The following EIF1AX variants were observed in gnomAD, a reference collection of about 807,000 sequenced individuals.
EIF1AX encodes the protein eukaryotic translation initiation factor 1A X-linked, also known as eukaryotic translation initiation factor 1A, X-chromosomal.
EIF1AX carries 1 observed loss-of-function variant against 16.1 expected under a neutral mutation model. The ratio of observed to expected loss-of-function variants is 0.06; its 90% CI spans 0.02 to 0.30. EIF1AX has a LOEUF of 0.30. Among genes scored for constraint, EIF1AX ranks in the 10% least tolerant of loss-of-function variants. The probability of loss-of-function intolerance (pLI) is 1.00; values close to 1 mark genes in which losing one functional copy is unlikely to be tolerated. For missense variants in EIF1AX, 11 were observed against 109.1 expected, an observed-to-expected ratio of 0.10 and a Z score of 4.00; for synonymous variants, 32 against 37.3, an observed-to-expected ratio of 0.86 and a Z score of 0.51.
At position 20,141,790 on chromosome X, in the gene EIF1AX, C is replaced by G; in HGVS notation, c.-150G>C. On this transcript the variant is annotated 5_prime_UTR_variant, in exon 1 of 7. Coordinates refer to ENST00000379607, the MANE Select transcript of EIF1AX (RefSeq NM_001412.4). The stretch of plus-strand genomic sequence containing the variant: ...ACGTGCGCGGGAGAGGCTGGCGACC[C>G]AGCTCTTCAGAGATCCGCCTGCGTC... 1.8e-6 allele frequency: 1 copy of G among 557,304 alleles called. No homozygotes were observed. Among genetic ancestry groups the G allele is most frequent in the African/African-American group, 2.4e-5 (1 of 41,275 alleles). 45.9% of individuals were successfully genotyped at this position (557,304 alleles called of 1,213,427 possible).
At chrX:20,135,102 T>G (rs1443309120) in intron 3 of EIF1AX, among the ~76,000 whole-genome samples, 1 of 60,470 alleles carries the variant, frequency 1.7e-5, no homozygotes, top group Non-Finnish European at 2.9e-5. Flanking sequence ...TACCCCAGCT[T>G]TTTTTTTTTT....
At chrX:20,133,055 C>T (rs1014242928) in intron 4 of EIF1AX, among the ~76,000 whole-genome samples, 8 of 111,339 alleles carry the variant, frequency 7.2e-5, no homozygotes, top group African/African-American at 2.6e-4. Context: ...AAGATGCTAT[C>T]GAGCCATTGA....
intron 2 of EIF1AX, chrX:20,136,168 G>T: frequency 3.5e-6 from 1 of 289,282 alleles, no homozygotes. Context: ...ACATACATAT[G>T]CACCCCCTCA....
intron 1 of EIF1AX, among the ~76,000 whole-genome samples, chrX:20,139,734 A>G (rs2067028254): frequency 9.0e-6 from 1 of 111,660 alleles, no homozygotes; most frequent in Non-Finnish European, 1.9e-5. Flanking sequence ...TCTAAGTAAG[A>G]TAACTAAGAA....
At chrX:20,134,894 C>G (rs1799445430) in intron 3 of EIF1AX, among the ~76,000 whole-genome samples, 1 of 112,014 alleles carries the variant, frequency 8.9e-6, no homozygotes, top group African/African-American at 3.2e-5. Context: ...GTGAATTAAT[C>G]ATTACTTTCC....
rs2067035476 is a variant in EIF1AX at position 20,141,795 on chromosome X, C to T, written c.-155G>A. On this transcript the variant is annotated 5_prime_UTR_variant, in exon 1 of 7. Transcript: ENST00000379607. Reference sequence around the variant, plus strand: ...CGCGGGAGAGGCTGGCGACCCAGCTCTTCAGAGATCCGCCTGCGTCCACGC... The same window carrying T: ...CGCGGGAGAGGCTGGCGACCCAGCTTTTCAGAGATCCGCCTGCGTCCACGC... The T allele has an allele frequency of 5.9e-6, 3 of 512,493 alleles. No individual in the cohort carries two copies. Among genetic ancestry groups the T allele is most frequent in the Non-Finnish European group, 9.0e-6 (3 of 334,490 alleles). 42.2% of individuals were successfully genotyped at this position (512,493 alleles called of 1,213,427 possible). A position where few individuals can be genotyped will look rare whatever the true frequency, so the allele number is the denominator to read the frequency against.
At chrX:20,138,400 T>C in intron 2 of EIF1AX, 139 bp downstream of exon 2, 1 of 508,998 alleles carries the variant, frequency 2.0e-6, no homozygotes, top group Non-Finnish European at 3.5e-6. Flanking sequence ...GCCCAGGAGG[T>C]CATGGCTGCA....
intron 5 of EIF1AX, 70 bp downstream of exon 5, chrX:20,132,112 T>A (rs2067003093): frequency 1.6e-5 from 14 of 859,101 alleles, no homozygotes; most frequent in Non-Finnish European, 2.3e-5. Flanking sequence ...AATCCATAGT[T>A]CCTTCACCTA....
chrX:20,130,407 C>A (rs1167643944), intron 6 of EIF1AX, 109 bp downstream of exon 6: 1 of 646,770 alleles, frequency 1.5e-6, no homozygotes, highest in Non-Finnish European at 1.9e-6. Flanking sequence ...TCTCAAAATA[C>A]AACCTTATTT....
intron 4 of EIF1AX, among the ~76,000 whole-genome samples, chrX:20,133,078 T>C: frequency 9.0e-6 from 1 of 111,348 alleles, no homozygotes; most frequent in South Asian, 3.8e-4. Flanking sequence ...ACCCTGTAAG[T>C]AGGAGGGGCA....
At chrX:20,132,964 T>C (rs2067005414) in intron 4 of EIF1AX, among the ~76,000 whole-genome samples, 1 of 112,013 alleles carries the variant, frequency 8.9e-6, no homozygotes. Flanking sequence ...ATGTAAAGTG[T>C]ATAGAAGCCT....
At chrX:20,133,771 G>A (rs960708324) in intron 4 of EIF1AX, among the ~76,000 whole-genome samples, 186 bp downstream of exon 4, 1 of 111,929 alleles carries the variant, frequency 8.9e-6, no homozygotes, top group Non-Finnish European at 1.9e-5. Context: ...ACCAGGCTAT[G>A]AGCCTTTTGT....
At chrX:20,134,776 T>C (rs1002417691) in intron 3 of EIF1AX, among the ~76,000 whole-genome samples, 5 of 111,431 alleles carry the variant, frequency 4.5e-5, no homozygotes, top group Non-Finnish European at 7.5e-5. Context: ...GATTTTAGTT[T>C]GGGAATAGAA....
At position 20,141,810 on chromosome X, in the gene EIF1AX, T is replaced by A. The variant is rs1262126589; in HGVS notation, c.-170A>T. On this transcript the variant is annotated 5_prime_UTR_variant, in exon 1 of 7. Transcript: ENST00000379607. ...CGACCCAGCTCTTCAGAGATCCGCCTGCGTCCACGCTCGGCGGCAGCAAAT... is the reference window on the plus strand; with the variant it reads ...CGACCCAGCTCTTCAGAGATCCGCCAGCGTCCACGCTCGGCGGCAGCAAAT... The A allele has an allele frequency of 1.5e-5, 7 of 458,303 alleles. 1 individual carries two copies. The Admixed American group carries it at 3.6e-4, about 24-fold the overall frequency. The allele number at this position is 458,303 out of a possible 1,213,427, so 37.8% of individuals were successfully genotyped here. A position where few individuals can be genotyped will look rare whatever the true frequency, so the allele number is the denominator to read the frequency against.
At chrX:20,129,735 G>A (rs947666704) in intron 6 of EIF1AX, among the ~76,000 whole-genome samples, 4 of 112,083 alleles carry the variant, frequency 3.6e-5, no homozygotes, top group South Asian at 7.4e-4. Flanking sequence ...TTGGCAATAG[G>A]CTTCCATTTT....
Position 20,141,770 on chromosome X carries a change from CGCGGGA to C in EIF1AX, c.-136_-131del, listed in dbSNP as rs2148610296. ...TAGGTGCTGGAGGCCAGGCAACGTG[CGCGGGA>C]GAGGCTGGCGACCCAGCTCTTCAGA... On this transcript the variant is annotated 5_prime_UTR_variant, in exon 1 of 7. Coordinates refer to ENST00000379607, the MANE Select transcript of EIF1AX (RefSeq NM_001412.4). 1 of 669,688 alleles carries C rather than the reference CGCGGGA, an allele frequency of 1.5e-6. No individual in the cohort carries two copies. Among genetic ancestry groups the C allele is most frequent in the African/African-American group, 2.3e-5 (1 of 43,427 alleles). The allele number at this position is 669,688 out of a possible 1,213,427, so 55.2% of individuals were successfully genotyped here.
chrX:20,124,916 G>C lies in EIF1AX; in HGVS notation c.*3390C>G, dbSNP rs891531676. On this transcript the variant is annotated 3_prime_UTR_variant, in exon 7 of 7. Coordinates refer to ENST00000379607, the MANE Select transcript of EIF1AX (RefSeq NM_001412.4). Reference sequence around the variant, plus strand: ...CAAAGACTGCACGCAAAAGAAATGGGAAATACAGAATACAGAAGACATGCA... The same window carrying C: ...CAAAGACTGCACGCAAAAGAAATGGCAAATACAGAATACAGAAGACATGCA... 8 of 149,723 alleles carry C rather than the reference G, an allele frequency of 5.3e-5. No homozygotes were observed. Among genetic ancestry groups the C allele is most frequent in the African/African-American group, 2.5e-4 (8 of 32,620 alleles). 12.3% of individuals were successfully genotyped at this position (149,723 alleles called of 1,213,427 possible).
Position 20,138,597 on chromosome X carries a change from C to T in EIF1AX, c.42G>A (p.Arg14=), listed in dbSNP as rs1325536815. Residue 14 remains arginine, a synonymous_variant, in exon 2 of 7, where the codon AGG becomes AGA. Coordinates refer to ENST00000379607, the MANE Select transcript of EIF1AX (RefSeq NM_001412.4). ...NKGKGGKNRR[R]GKNENESEKR... ...TTTCAGATTCATTCTCATTCTTACC[C>T]CTGCGTCTGTTTTTACCTCCTTTAC... 1 of 1,201,910 alleles carries T rather than the reference C, an allele frequency of 8.3e-7. No individual in the cohort carries two copies. The highest frequency in any genetic ancestry group is 2.2e-5 in the Admixed American group (1 of 45,679).
intron 3 of EIF1AX, among the ~76,000 whole-genome samples, chrX:20,134,908 G>A (rs200554901): frequency 9.0e-6 from 1 of 111,415 alleles, no homozygotes; most frequent in East Asian, 2.8e-4. Context: ...ACTTTCCAAG[G>A]CAGTCCATTC....
Sources: allele counts gnomAD v4.1 joint callset (sites outside exome capture counted in the v4.1 genomes callset), GRCh38; gene constraint gnomAD v4.1.1; transcripts MANE v1.5; gene names NCBI Gene and HGNC (gene_info 2026-07-23, HGNC 2026-07-21).